Variants in SCML2 observed in about 807,000 individuals in gnomAD.
SCML2 encodes sex comb on midleg-like protein 2.
A neutral mutation model predicts 48.4 loss-of-function variants in SCML2; 6 were observed. That is an observed-to-expected ratio of 0.12 (90% CI 0.07 to 0.24). SCML2 has a LOEUF of 0.24. SCML2 is among the 10% of genes least tolerant of loss of function. The probability of loss-of-function intolerance (pLI) is 1.00; values close to 1 mark genes in which losing one functional copy is unlikely to be tolerated. For synonymous variants in SCML2, 181 were observed against 189.5 expected, an observed-to-expected ratio of 0.95 and a Z score of 0.37; for missense variants, 377 against 528.2, an observed-to-expected ratio of 0.71 and a Z score of 2.81.
At chrX:18,339,583 G>A (rs1456783522) in intron 1 of SCML2, among the ~76,000 whole-genome samples, 1 of 111,074 alleles carries the variant, frequency 9.0e-6, no homozygotes, top group African/African-American at 3.3e-5. Context: ...GCGTGGTACA[G>A]CACACCTACA....
At chrX:18,283,514 G>A (rs1414336021) in intron 7 of SCML2, among the ~76,000 whole-genome samples, 1 of 112,347 alleles carries the variant, frequency 8.9e-6, no homozygotes, top group Non-Finnish European at 1.9e-5. Context: ...CTTCAGTGAT[G>A]ATATGTTCTA....
intron 1 of SCML2, among the ~76,000 whole-genome samples, chrX:18,336,496 G>A (rs992884105): frequency 1.9e-5 from 2 of 107,086 alleles, no homozygotes. Context: ...CAGCACTTTT[G>A]GAGGCCGAGG....
intron 11 of SCML2, among the ~76,000 whole-genome samples, chrX:18,255,837 C>G (rs1926822344): frequency 8.9e-6 from 1 of 112,464 alleles, no homozygotes; most frequent in Admixed American, 9.4e-5. Context: ...TCTGTATTTC[C>G]AGAATCAGCA....
intron 11 of SCML2, 116 bp downstream of exon 11, chrX:18,256,732 C>G: frequency 1.8e-6 from 1 of 542,159 alleles, no homozygotes; most frequent in Non-Finnish European, 2.8e-6. Flanking sequence ...ATATGTTATA[C>G]ATTTCTAATT....
chrX:18,353,228 C>CA (rs1315964000), intron 1 of SCML2, among the ~76,000 whole-genome samples: 2 of 110,242 alleles, frequency 1.8e-5, no homozygotes, highest in African/African-American at 6.6e-5. Flanking sequence ...AAAAGAAAGG[C>CA]AAAATCGTCA....
At chrX:18,341,408 A>C in intron 1 of SCML2, 2 of 231,238 alleles carry the variant, frequency 8.6e-6, no homozygotes, top group Admixed American at 5.1e-5. Context: ...TGGAGGAAGA[A>C]TCACCACAAG....
At chrX:18,349,641 T>A (rs1181341938) in intron 1 of SCML2, among the ~76,000 whole-genome samples, 2 of 110,380 alleles carry the variant, frequency 1.8e-5, no homozygotes, top group Non-Finnish European at 3.8e-5. Context: ...AATTATTTTT[T>A]AAAAAATTAG....
intron 6 of SCML2, among the ~76,000 whole-genome samples, chrX:18,309,884 T>C (rs999255013): frequency 9.0e-6 from 1 of 110,879 alleles, no homozygotes. Context: ...ACATAATCTA[T>C]CCGTATTACA....
chrX:18,265,909 G>T (rs1202270693), intron 7 of SCML2, 107 bp from the exon 8 acceptor site: 3 of 514,233 alleles, frequency 5.8e-6, no homozygotes, highest in Middle Eastern at 5.4e-4. Flanking sequence ...ATTTCCAAAG[G>T]TTATTCACTG....
intron 7 of SCML2, among the ~76,000 whole-genome samples, chrX:18,267,779 G>C (rs964789049): frequency 1.8e-5 from 2 of 109,897 alleles, no homozygotes; most frequent in Non-Finnish European, 3.8e-5. Context: ...GTATTTTGTG[G>C]TAGAGACGGG....
intron 11 of SCML2, among the ~76,000 whole-genome samples, chrX:18,256,114 G>A (rs1275252242): frequency 9.0e-6 from 1 of 111,517 alleles, no homozygotes; most frequent in African/African-American, 3.3e-5. Context: ...TCGGTTTGGG[G>A]TTCTTATGGA....
chrX:18,250,369 C>T (rs192726121), intron 11 of SCML2, among the ~76,000 whole-genome samples: 338 of 110,279 alleles, frequency 3.1e-3, no homozygotes, highest in South Asian at 4.8e-3. Context: ...CATGCCACCA[C>T]GCCTGGCTAA....
At chrX:18,260,140 A>C (rs1927008171) in intron 9 of SCML2, 31 bp downstream of exon 9, 2 of 1,056,420 alleles carry the variant, frequency 1.9e-6, no homozygotes, top group Non-Finnish European at 2.5e-6. Context: ...AAGATTAGTA[A>C]TTCTATACTA....
intron 7 of SCML2, among the ~76,000 whole-genome samples, chrX:18,299,540 G>A (rs1174831688): frequency 1.8e-5 from 2 of 109,574 alleles, no homozygotes; most frequent in African/African-American, 3.3e-5. Context: ...AGTGGACAAA[G>A]GATCTGAATA....
chrX:18,343,296 T>C (rs2051604), intron 1 of SCML2, among the ~76,000 whole-genome samples: 28,379 of 106,378 alleles, frequency 0.27, 3,404 homozygotes, highest in African/African-American at 0.43. Context: ...AGGAACTGAA[T>C]AAATCTGACA....
Position 18,324,992 on chromosome X carries a change from T to C in SCML2, c.92-15A>G, listed in dbSNP as rs747000255. On this transcript the variant is annotated splice_polypyrimidine_tract_variant and intron_variant, in intron 3 of 14. Transcript: ENST00000251900. ...GTGGAAATCATCTGGAAAAAACACA[T>C]GTGCAAAATAGTTTCTTAAAGCATA... 5 of 1,138,936 alleles carry C rather than the reference T, an allele frequency of 4.4e-6. No individual in the cohort carries two copies. The highest frequency in any genetic ancestry group is 6.0e-6 in the Non-Finnish European group (5 of 833,870). The allele number at this position is 1,138,936 out of a possible 1,213,427, so 93.9% of individuals were successfully genotyped here. A position where few individuals can be genotyped will look rare whatever the true frequency, so the allele number is the denominator to read the frequency against.
intron 1 of SCML2, among the ~76,000 whole-genome samples, chrX:18,345,923 T>C (rs969753323): frequency 1.0e-5 from 1 of 96,148 alleles, no homozygotes; most frequent in Admixed American, 1.1e-4. Context: ...CAGCAACTAA[T>C]TTTTTTTTTT....
At chrX:18,318,990 A>G in intron 6 of SCML2, among the ~76,000 whole-genome samples, 1 of 112,292 alleles carries the variant, frequency 8.9e-6, no homozygotes, top group South Asian at 3.7e-4. Flanking sequence ...CCCTAATCCA[A>G]TATGACTGAC....
Position 18,246,700 on chromosome X carries a change from T to C in SCML2, c.1699A>G (p.Thr567Ala). Residue 567 changes from threonine (T) to alanine (A), a missense_variant, in exon 13 of 15, where the codon ACT becomes GCT. Coordinates refer to ENST00000251900, the MANE Select transcript of SCML2 (RefSeq NM_006089.3). ...PACRNPMYIH[T>A]SVSQDFSRSV... ...CGAGAAAAATCCTGGGAGACTGAAG[T>C]ATGAATATACATAGGATTTCTACAG... 2 of 1,210,624 alleles carry C rather than the reference T, an allele frequency of 1.7e-6. No homozygotes were observed. Among genetic ancestry groups the C allele is most frequent in the South Asian group, 3.5e-5 (2 of 56,942 alleles).
Sources: allele counts gnomAD v4.1 joint callset (sites outside exome capture counted in the v4.1 genomes callset), GRCh38; gene constraint gnomAD v4.1.1; transcripts MANE v1.5; gene names NCBI Gene and HGNC (gene_info 2026-07-23, HGNC 2026-07-21).